SLIT2: variants seen among roughly 807,000 people sequenced by gnomAD.
SLIT2 encodes the protein slit homolog 2 protein.
SLIT2 carries 41 observed loss-of-function variants against 185.7 expected under a neutral mutation model. That is an observed-to-expected ratio of 0.22 (90% CI 0.17 to 0.29). SLIT2 has a LOEUF of 0.29. SLIT2 is among the 10% of genes least tolerant of loss of function. The pLI is 1.00. For synonymous variants in SLIT2, 693 were observed against 680.2 expected (o/e 1.02, Z -0.29); for missense variants, 1,571 against 1,909.0 (o/e 0.82, Z 3.30).
chr4:20,495,120 G>A (rs370585975), intron 9 of SLIT2, among the ~76,000 whole-genome samples: 2 of 152,280 alleles, frequency 1.3e-5, no homozygotes, highest in East Asian at 3.9e-4. Flanking sequence ...TAGAGTGGTA[G>A]GTCAATGAGC....
intron 33 of SLIT2, among the ~76,000 whole-genome samples, chr4:20,604,473 C>T (rs568045192): frequency 6.4e-4 from 97 of 152,140 alleles, no homozygotes; most frequent in African/African-American, 2.3e-3. Context: ...CCTCAGCCTC[C>T]TGAGTAGCTG....
chr4:20,619,140 G>A lies in SLIT2; in HGVS notation c.*131G>A, dbSNP rs1729906375. On this transcript the variant is annotated 3_prime_UTR_variant, in exon 37 of 37. Transcript: ENST00000504154. ...CAGAACAGACTTATTTTTATTATGA[G>A]AATAAAGACTTTTTTTCTGCATTTG... The A allele has an allele frequency of 6.8e-5, 59 of 873,054 alleles. No homozygotes were observed. The highest frequency in any genetic ancestry group is 3.2e-4 in the South Asian group (9 of 28,024). The allele number at this position is 873,054 out of a possible 1,614,324, so 54.1% of individuals were successfully genotyped here.
At chr4:20,579,088 G>A (rs1003881455) in intron 29 of SLIT2, among the ~76,000 whole-genome samples, 2 of 151,938 alleles carry the variant, frequency 1.3e-5, no homozygotes, top group Non-Finnish European at 2.9e-5. Flanking sequence ...GAGGTCAGGA[G>A]TTTGAGACCA....
At chr4:20,344,123 C>T (rs1721189525) in intron 4 of SLIT2, among the ~76,000 whole-genome samples, 1 of 152,174 alleles carries the variant, frequency 6.6e-6, no homozygotes, top group African/African-American at 2.4e-5. Context: ...TGTGGGATTA[C>T]AGGCGTGAGC....
intron 4 of SLIT2, among the ~76,000 whole-genome samples, chr4:20,457,170 C>A (rs1577692352): frequency 6.6e-6 from 1 of 151,986 alleles, no homozygotes; most frequent in Non-Finnish European, 1.5e-5. Flanking sequence ...GTTTTATTGA[C>A]CACAACCAGG....
Position 20,500,622 on chromosome 4 carries a change from A to T in SLIT2, c.914+8723A>T, listed in dbSNP as rs1028364512. 3.9e-5 allele frequency among the ~76,000 whole-genome samples: 6 copies of T among 152,292 alleles called. No homozygotes were observed. In the East Asian group the frequency reaches 7.7e-4, roughly 20 times the overall value. ...AAAAACCTTCTTTATGATAAAAAAA[A>T]TTTTCAAAAATGTTAAATTATTTAT... is the stretch of plus-strand genomic sequence containing the variant. On this transcript the variant is annotated intron_variant, in intron 9 of 36. Transcript: ENST00000504154.
At position 20,315,793 on chromosome 4, in the gene SLIT2, T is replaced by C. The variant is rs186130797; in HGVS notation, c.395+46912T>C. 1.8e-3 allele frequency among the ~76,000 whole-genome samples: 280 copies of C among 152,186 alleles called. 1 individual carries two copies. The highest frequency in any genetic ancestry group is 6.5e-3 in the African/African-American group (270 of 41,566). On this transcript the variant is annotated intron_variant, in intron 4 of 36. Coordinates refer to ENST00000504154, the MANE Select transcript of SLIT2 (RefSeq NM_004787.4). ...GTTTAGTAAATATTTCAGTCACTCA[T>C]TAATTGAAATATATTGAGAATTCTA...
rs531148221 is a variant in SLIT2, at chr4:20,278,104, C to T, written c.395+9223C>T. Among the ~76,000 whole-genome samples the T allele has an allele frequency of 2.6e-5, 4 of 152,032 alleles. No homozygotes were observed. In the East Asian group the frequency reaches 5.8e-4, roughly 22 times the overall value. On this transcript the variant is annotated intron_variant, in intron 4 of 36. Transcript: ENST00000504154. ...ATATATGAAACTTAAAAAAAATTTA[C>T]CAGTTTACATGCTGTTAAAGTAAAA...
At chr4:20,307,749 T>C (rs1717720234) in intron 4 of SLIT2, among the ~76,000 whole-genome samples, 2 of 152,154 alleles carry the variant, frequency 1.3e-5, no homozygotes, top group South Asian at 4.1e-4. Flanking sequence ...TCTTTTAAAA[T>C]CCTATTAGCA....
At chr4:20,395,883 A>G (rs1315646119) in intron 4 of SLIT2, among the ~76,000 whole-genome samples, 1 of 151,958 alleles carries the variant, frequency 6.6e-6, no homozygotes, top group African/African-American at 2.4e-5. Flanking sequence ...TTATTATGTG[A>G]TGCTGACATT....
chr4:20,299,306 T>G (rs773015138), intron 4 of SLIT2, among the ~76,000 whole-genome samples: 5 of 152,158 alleles, frequency 3.3e-5, no homozygotes, highest in African/African-American at 7.2e-5. Context: ...TCTAATATAT[T>G]TATATATCAA....
chr4:20,408,186 C>T (rs957319198), intron 4 of SLIT2, among the ~76,000 whole-genome samples: 1 of 152,284 alleles, frequency 6.6e-6, no homozygotes, highest in South Asian at 2.1e-4. Context: ...TTTTTCATCT[C>T]AGCGATTAGC....
chr4:20,357,784 A>G (rs1476128981), intron 4 of SLIT2, among the ~76,000 whole-genome samples: 4 of 152,106 alleles, frequency 2.6e-5, no homozygotes, highest in Non-Finnish European at 5.9e-5. Flanking sequence ...ATATACTTTC[A>G]AATTCCGATT....
chr4:20,475,921 A>G (rs1185825173), intron 5 of SLIT2, among the ~76,000 whole-genome samples: 2 of 152,164 alleles, frequency 1.3e-5, no homozygotes, highest in African/African-American at 2.4e-5. Flanking sequence ...GAAATTCTTT[A>G]TTCCTGTGAG....
At chr4:20,451,804 T>G (rs1245320244) in intron 4 of SLIT2, among the ~76,000 whole-genome samples, 2 of 152,226 alleles carry the variant, frequency 1.3e-5, no homozygotes, top group African/African-American at 4.8e-5. Flanking sequence ...AGGTTTATTC[T>G]GGCATCTAAA....
chr4:20,536,513 G>A (rs543172764), intron 18 of SLIT2, among the ~76,000 whole-genome samples: 52 of 135,114 alleles, frequency 3.8e-4, no homozygotes, highest in African/African-American at 1.1e-3. Flanking sequence ...AGCAGAGATC[G>A]CACCATTGCC....
rs1729942116 is a variant in SLIT2, at chr4:20,619,689, AG to A, written c.*681del. ...ATAAAGGAGATGATAAAGAACCAAT[AG>A]ATTATTGATAAATAAATTAGTAATA... On this transcript the variant is annotated 3_prime_UTR_variant, in exon 37 of 37. Coordinates refer to ENST00000504154, the MANE Select transcript of SLIT2 (RefSeq NM_004787.4). 1.3e-5 allele frequency: 2 copies of A among 152,136 alleles called. No individual in the cohort carries two copies. Among genetic ancestry groups the A allele is most frequent in the South Asian group, 4.2e-4 (2 of 4,818 alleles). 9.4% of individuals were successfully genotyped at this position (152,136 alleles called of 1,614,324 possible). A position where few individuals can be genotyped will look rare whatever the true frequency, so the allele number is the denominator to read the frequency against.
intron 15 of SLIT2, among the ~76,000 whole-genome samples, chr4:20,527,313 A>C (rs1721383621): frequency 6.6e-6 from 1 of 151,636 alleles, no homozygotes; most frequent in South Asian, 2.1e-4. Flanking sequence ...TTGGAGATGG[A>C]GTCTCGCTGT....
At chr4:20,525,552 ATCTT>A (rs1721214037) in intron 15 of SLIT2, among the ~76,000 whole-genome samples, 1 of 152,148 alleles carries the variant, frequency 6.6e-6, no homozygotes, top group Non-Finnish European at 1.5e-5. Context: ...AAAGACAGAG[ATCTT>A]TCTGATGTCA....
Sources: allele counts gnomAD v4.1 joint callset (sites outside exome capture counted in the v4.1 genomes callset), GRCh38; gene constraint gnomAD v4.1.1; transcripts MANE v1.5; gene names NCBI Gene and HGNC (gene_info 2026-07-23, HGNC 2026-07-21).